Variants in TMCC1 observed in about 807,000 individuals in gnomAD.
TMCC1 encodes transmembrane and coiled-coil domains protein 1.
TMCC1 carries 15 observed loss-of-function variants against 52.4 expected under a neutral mutation model. That is an observed-to-expected ratio of 0.29 (90% CI 0.19 to 0.44). The LOEUF (loss-of-function observed/expected upper bound fraction) is 0.44, where lower values mean the gene tolerates loss of function less well. Among genes scored for constraint, TMCC1 ranks in the 20% least tolerant of loss-of-function variants. TMCC1 has a pLI of 1.00. For synonymous variants in TMCC1, 279 were observed against 301.9 expected (o/e 0.92, Z 0.79); for missense variants, 503 against 806.0 (o/e 0.62, Z 4.55).
intron 4 of TMCC1, among the ~76,000 whole-genome samples, chr3:129,748,656 T>G (rs940504694): frequency 6.6e-6 from 1 of 152,134 alleles, no homozygotes; most frequent in East Asian, 1.9e-4. Flanking sequence ...AAATGTTTCA[T>G]AAATCATTAT....
chr3:129,682,413 C>T (rs1463173082), intron 4 of TMCC1, among the ~76,000 whole-genome samples: 1 of 152,104 alleles, frequency 6.6e-6, no homozygotes, highest in Non-Finnish European at 1.5e-5. Context: ...CTGACAGTTG[C>T]ATTTTGCAAC....
At chr3:129,824,865 C>T (rs773276096) in intron 4 of TMCC1, among the ~76,000 whole-genome samples, 1 of 152,114 alleles carries the variant, frequency 6.6e-6, no homozygotes, top group Non-Finnish European at 1.5e-5. Context: ...TCTGATTCTC[C>T]CAAGCAAACT....
intron 4 of TMCC1, among the ~76,000 whole-genome samples, chr3:129,791,867 A>C (rs2056490102): frequency 2.0e-5 from 3 of 152,200 alleles, no homozygotes; most frequent in Admixed American, 2.0e-4. Flanking sequence ...CCAGCCTACA[A>C]CAATCACTTG....
At chr3:129,674,759 A>T (rs2088256854) in intron 4 of TMCC1, among the ~76,000 whole-genome samples, 1 of 152,258 alleles carries the variant, frequency 6.6e-6, no homozygotes, top group South Asian at 2.1e-4. Context: ...TTTTGAAGGC[A>T]CCAACTGAAA....
At chr3:129,893,451 G>A (rs1560638848) in intron 1 of TMCC1, 43 bp downstream of exon 1, 2 of 152,010 alleles carry the variant, frequency 1.3e-5, no homozygotes, top group African/African-American at 4.8e-5. Context: ...CCGTGAGGGG[G>A]CCGCGACCGC....
chr3:129,799,781 C>T (rs1316841350), intron 4 of TMCC1, among the ~76,000 whole-genome samples: 1 of 152,160 alleles, frequency 6.6e-6, no homozygotes, highest in East Asian at 1.9e-4. Context: ...CACTGCACTC[C>T]AGCCTGGGCG....
chr3:129,681,314 A>T (rs544272286), intron 4 of TMCC1, among the ~76,000 whole-genome samples: 1 of 152,334 alleles, frequency 6.6e-6, no homozygotes, highest in African/African-American at 2.4e-5. Flanking sequence ...CATATTTTAT[A>T]AAGCAGTAAA....
chr3:129,680,874 T>C (rs2088910985), intron 4 of TMCC1, among the ~76,000 whole-genome samples: 1 of 149,502 alleles, frequency 6.7e-6, no homozygotes, highest in Non-Finnish European at 1.5e-5. Flanking sequence ...CACTCCAGCC[T>C]GGGTGATAGA....
intron 4 of TMCC1, among the ~76,000 whole-genome samples, chr3:129,672,001 A>G (rs186021021): frequency 5.1e-4 from 78 of 152,364 alleles, no homozygotes; most frequent in African/African-American, 1.8e-3. Flanking sequence ...AGTCAGGGAC[A>G]AGGATCAGGT....
chr3:129,763,542 C>CAAAAAAAAAAAAA (rs11354197), intron 4 of TMCC1, among the ~76,000 whole-genome samples: 42 of 44,654 alleles, frequency 9.4e-4, no homozygotes, highest in East Asian at 2.4e-3. Flanking sequence ...GACCCTGTCT[C>CAAAAAAAAAAAAA]AAAAAAAAAA....
chr3:129,851,261 T>G (rs1037062416), intron 2 of TMCC1, among the ~76,000 whole-genome samples: 1 of 152,212 alleles, frequency 6.6e-6, no homozygotes, highest in Non-Finnish European at 1.5e-5. Context: ...TACAGGCCTA[T>G]GTAGCACCAG....
At chr3:129,693,616 C>T (rs1475621446) in intron 4 of TMCC1, among the ~76,000 whole-genome samples, 5 of 150,590 alleles carry the variant, frequency 3.3e-5, no homozygotes, top group African/African-American at 4.9e-5. Flanking sequence ...TCCCAAAGTG[C>T]TGGGATTATA....
intron 5 of TMCC1, among the ~76,000 whole-genome samples, chr3:129,668,007 T>C (rs1191911634): frequency 6.6e-6 from 1 of 152,132 alleles, no homozygotes; most frequent in Admixed American, 6.5e-5. Context: ...GGCAATATAG[T>C]GAGACCTTGT....
intron 2 of TMCC1, among the ~76,000 whole-genome samples, chr3:129,863,087 G>C (rs1043742117): frequency 3.9e-5 from 6 of 152,116 alleles, no homozygotes; most frequent in Non-Finnish European, 5.9e-5. Flanking sequence ...TCAAAAAGAA[G>C]ATACTGACTG....
chr3:129,737,962 A>G (rs990058307), intron 4 of TMCC1, among the ~76,000 whole-genome samples: 1 of 152,110 alleles, frequency 6.6e-6, no homozygotes, highest in African/African-American at 2.4e-5. Context: ...CCAGAACTAT[A>G]CTTCTTTCTT....
intron 4 of TMCC1, among the ~76,000 whole-genome samples, chr3:129,689,393 C>T (rs1319871794): frequency 6.6e-6 from 1 of 152,156 alleles, no homozygotes; most frequent in Non-Finnish European, 1.5e-5. Flanking sequence ...TTTGTAAAAG[C>T]AGTTGTGGGG....
In TMCC1 at chr3:129,701,321, A is replaced by T. The variant is rs1378809493; in HGVS notation, c.577-30057T>A. On this transcript the variant is annotated intron_variant, in intron 4 of 6. Transcript: ENST00000393238. Reference sequence around the variant, plus strand: ...ATCAGTTGGCTGTGCATTACTCAAGAAGTCTCTTCTGTTCTCTCTCACCTG... The same window carrying T: ...ATCAGTTGGCTGTGCATTACTCAAGTAGTCTCTTCTGTTCTCTCTCACCTG... Among the ~76,000 whole-genome samples, 3 of 152,342 alleles carry T rather than the reference A, an allele frequency of 2.0e-5. No individual in the cohort carries two copies. The East Asian group carries it at 5.8e-4, about 29-fold the overall frequency.
chr3:129,663,978 C>G (rs2087248727), intron 5 of TMCC1, among the ~76,000 whole-genome samples: 3 of 152,174 alleles, frequency 2.0e-5, no homozygotes, highest in African/African-American at 7.2e-5. Context: ...CTACTCAGAG[C>G]TGGCAAGCAA....
At chr3:129,880,588 G>A (rs1260288926) in intron 1 of TMCC1, 29 bp from the exon 2 acceptor site, 1 of 152,104 alleles carries the variant, frequency 6.6e-6, no homozygotes, top group Admixed American at 6.6e-5. Context: ...AAGAAAAGGA[G>A]AAAGAACTAC....
Sources: gnomAD v4.1 joint callset for allele counts (sites outside exome capture counted in the v4.1 genomes callset) on GRCh38, gnomAD v4.1.1 for gene constraint, MANE v1.5 for transcripts, NCBI Gene and HGNC (gene_info 2026-07-23, HGNC 2026-07-21) for gene names.